The following GRIN2A variants were observed in gnomAD, a reference collection of about 807,000 sequenced individuals.
GRIN2A encodes the protein glutamate receptor ionotropic, NMDA 2A.
In GRIN2A, 22 loss-of-function variants were observed where a neutral mutation model predicts 113.4. The ratio of observed to expected loss-of-function variants is 0.19; its 90% CI spans 0.14 to 0.28. The LOEUF is 0.28. Ranked by LOEUF, GRIN2A falls within the 10% of genes least tolerant of loss-of-function variation. The pLI, the probability that GRIN2A is intolerant of heterozygous loss-of-function variation, is 1.00. For missense variants in GRIN2A, 1,502 were observed against 1,887.0 expected, an observed-to-expected ratio of 0.80 and a Z score of 3.78; for synonymous variants, 827 against 738.4, an observed-to-expected ratio of 1.12 and a Z score of -1.94.
intron 11 of GRIN2A, among the ~76,000 whole-genome samples, chr16:9,793,028 C>G (rs1902715710): frequency 6.6e-6 from 1 of 152,176 alleles, no homozygotes. Context: ...CTGAAACAGT[C>G]TTTGTTTTAG....
At chr16:10,087,905 G>A (rs1402064421) in intron 2 of GRIN2A, among the ~76,000 whole-genome samples, 1 of 16,046 alleles carries the variant, frequency 6.2e-5, no homozygotes, top group Non-Finnish European at 5.0e-3. Flanking sequence ...TGCCCAGGCT[G>A]GTCTCGAACT....
intron 9 of GRIN2A, among the ~76,000 whole-genome samples, chr16:9,825,793 A>C (rs1329504535): frequency 6.6e-6 from 1 of 152,160 alleles, no homozygotes. Flanking sequence ...CAGCAGCAGC[A>C]CAGTGCCCAG....
intron 2 of GRIN2A, among the ~76,000 whole-genome samples, chr16:10,090,401 T>G (rs1596494422): frequency 6.6e-6 from 1 of 152,218 alleles, no homozygotes; most frequent in East Asian, 1.9e-4. Context: ...TCAATTGATT[T>G]TTGACAAACA....
chr16:10,101,838 A>G (rs1335200421), intron 2 of GRIN2A, among the ~76,000 whole-genome samples: 1 of 152,156 alleles, frequency 6.6e-6, no homozygotes, highest in African/African-American at 2.4e-5. Flanking sequence ...GGGAATGGTT[A>G]TTGCTATAAT....
chr16:10,043,777 T>A (rs1415358580), intron 2 of GRIN2A, among the ~76,000 whole-genome samples: 1 of 151,848 alleles, frequency 6.6e-6, no homozygotes, highest in Non-Finnish European at 1.5e-5. Flanking sequence ...TGCCAAATAC[T>A]CCTTTTGTTC....
Position 9,954,364 on chromosome 16 carries a change from A to G in GRIN2A, c.415-15813T>C, listed in dbSNP as rs553970962. On this transcript the variant is annotated intron_variant, in intron 2 of 12. Coordinates refer to ENST00000330684, the MANE Select transcript of GRIN2A (RefSeq NM_001134407.3). ...ACATGGTCGGCAGATTGAGATAGAC[A>G]GATTCCTAGACACTCTCTGGAGTTA... Among the ~76,000 whole-genome samples, 8 of 152,316 alleles carry G rather than the reference A, an allele frequency of 5.3e-5. No individual in the cohort carries two copies. The South Asian group carries it at 1.7e-3, about 32-fold the overall frequency.
chr16:9,819,142 T>A (rs1338843777), intron 10 of GRIN2A, among the ~76,000 whole-genome samples: 2 of 152,178 alleles, frequency 1.3e-5, no homozygotes, highest in African/African-American at 2.4e-5. Context: ...AGATGAGGAA[T>A]AGTGTGCAGG....
At chr16:10,078,322 G>A (rs1308258789) in intron 2 of GRIN2A, among the ~76,000 whole-genome samples, 1 of 151,914 alleles carries the variant, frequency 6.6e-6, no homozygotes, top group East Asian at 1.9e-4. Flanking sequence ...AGCCTCGTCT[G>A]TTCCTCGTGA....
At chr16:9,984,206 C>T (rs1240170774) in intron 2 of GRIN2A, among the ~76,000 whole-genome samples, 2 of 146,692 alleles carry the variant, frequency 1.4e-5, no homozygotes, top group African/African-American at 5.1e-5. Flanking sequence ...GTTTATTTAA[C>T]TCATTTGCCC....
chr16:9,801,589 G>C (rs1903364675), intron 10 of GRIN2A, among the ~76,000 whole-genome samples: 1 of 152,234 alleles, frequency 6.6e-6, no homozygotes, highest in South Asian at 2.1e-4. Context: ...TTCATGACAG[G>C]TCTTTTTGAG....
At chr16:10,061,305 A>G (rs2047547101) in intron 2 of GRIN2A, among the ~76,000 whole-genome samples, 1 of 152,226 alleles carries the variant, frequency 6.6e-6, no homozygotes, top group Admixed American at 6.5e-5. Flanking sequence ...CCACCTTGGC[A>G]ACCCTCAACC....
In GRIN2A at chr16:9,797,841, AC is replaced by A. The variant is rs1334852091; in HGVS notation, c.2356+435del. Among the ~76,000 whole-genome samples, 3 of 152,152 alleles carry A rather than the reference AC, an allele frequency of 2.0e-5. No individual in the cohort carries two copies. The East Asian group carries it at 5.8e-4, about 30-fold the overall frequency. The stretch of plus-strand genomic sequence containing the variant: ...CCTGCATCTTCTGGCCCTGGCCTCT[AC>A]CCATTAGATCAGCAAGCAGATTCCC... On this transcript the variant is annotated intron_variant, in intron 11 of 12. Coordinates refer to ENST00000330684, the MANE Select transcript of GRIN2A (RefSeq NM_001134407.3).
At chr16:9,956,587 T>A (rs903133040) in intron 2 of GRIN2A, among the ~76,000 whole-genome samples, 67 of 152,296 alleles carry the variant, frequency 4.4e-4, no homozygotes, top group African/African-American at 1.6e-3. Flanking sequence ...AGGCTGAGAA[T>A]CCAGTAGTGA....
In GRIN2A at chr16:10,074,605, T is replaced by C. The variant is rs575413219; in HGVS notation, c.414+105393A>G. Among the ~76,000 whole-genome samples, 3 of 152,324 alleles carry C rather than the reference T, an allele frequency of 2.0e-5. No homozygotes were observed. The East Asian group carries it at 5.8e-4, about 29-fold the overall frequency. ...CAACATGGATGGGCATTGAAGACAT[T>C]ATGCTAAGTGAAGGAAACCAGACGC... On this transcript the variant is annotated intron_variant, in intron 2 of 12. Coordinates refer to ENST00000330684, the MANE Select transcript of GRIN2A (RefSeq NM_001134407.3).
chr16:10,128,169 G>A lies in GRIN2A; in HGVS notation c.414+51829C>T, dbSNP rs148310597. Among the ~76,000 whole-genome samples the A allele has an allele frequency of 3.2e-3, 491 of 152,308 alleles. 1 individual carries two copies. Among genetic ancestry groups the A allele is most frequent in the African/African-American group, 0.011 (437 of 41,570 alleles). The stretch of plus-strand genomic sequence containing the variant: ...TTCCGTAGGAAGATCACCACTGGCA[G>A]CTCACGGTTGGACCTTTCATGATTC... On this transcript the variant is annotated intron_variant, in intron 2 of 12. Coordinates refer to ENST00000330684, the MANE Select transcript of GRIN2A (RefSeq NM_001134407.3).
intron 2 of GRIN2A, among the ~76,000 whole-genome samples, chr16:10,158,694 C>T (rs2049752319): frequency 6.6e-6 from 1 of 152,136 alleles, no homozygotes; most frequent in South Asian, 2.1e-4. Context: ...CAGACGATCC[C>T]ATCCCATCTA....
Position 9,886,625 on chromosome 16 carries a change from C to T in GRIN2A, c.1122+4361G>A, listed in dbSNP as rs369130252. Among the ~76,000 whole-genome samples, 40 of 152,222 alleles carry T rather than the reference C, an allele frequency of 2.6e-4. 3 individuals are homozygous for T. Among genetic ancestry groups the T allele is most frequent in the East Asian group, 2.1e-3 (11 of 5,180 alleles). On this transcript the variant is annotated intron_variant, in intron 4 of 12. Coordinates refer to ENST00000330684, the MANE Select transcript of GRIN2A (RefSeq NM_001134407.3). ...CTTGAGTACAGAAAATATTTTTTCT[C>T]TTGTTTATGATGGACTCCAAGCATC... is the stretch of plus-strand genomic sequence containing the variant.
intron 8 of GRIN2A, among the ~76,000 whole-genome samples, chr16:9,831,758 T>TG (rs1476865934): frequency 1.2e-4 from 18 of 151,508 alleles, no homozygotes; most frequent in Non-Finnish European, 1.0e-4. Flanking sequence ...TCAAGTGATC[T>TG]GCCCACCTCA....
intron 2 of GRIN2A, among the ~76,000 whole-genome samples, chr16:10,091,457 TACACACACACACACACAC>T (rs35961930): frequency 2.7e-5 from 4 of 145,732 alleles, no homozygotes; most frequent in African/African-American, 1.0e-4. Flanking sequence ...TGTGTGTGTA[TACACACACACACACACAC>T]ACACACACAC....
Sources: gnomAD v4.1 joint callset for allele counts (sites outside exome capture counted in the v4.1 genomes callset) on GRCh38, gnomAD v4.1.1 for gene constraint, MANE v1.5 for transcripts, NCBI Gene and HGNC (gene_info 2026-07-23, HGNC 2026-07-21) for gene names.